The following CDH18 variants were observed in gnomAD, a reference collection of about 807,000 sequenced individuals.
CDH18 encodes the protein cadherin 18.
CDH18 carries 31 observed loss-of-function variants against 67.9 expected under a neutral mutation model. That is an observed-to-expected ratio of 0.46 (90% CI 0.34 to 0.62). The LOEUF (loss-of-function observed/expected upper bound fraction) is 0.62. Among genes scored for constraint, CDH18 ranks in the 20% least tolerant of loss-of-function variants. The pLI, the probability that CDH18 is intolerant of heterozygous loss-of-function variation, is 0.01. For synonymous variants in CDH18, 362 were observed against 347.2 expected, an observed-to-expected ratio of 1.04 and a Z score of -0.48; for missense variants, 890 against 975.5, an observed-to-expected ratio of 0.91 and a Z score of 1.17.
chr5:19,549,002 G>A (rs1244738274), intron 8 of CDH18, among the ~76,000 whole-genome samples: 1 of 151,916 alleles, frequency 6.6e-6, no homozygotes, highest in African/African-American at 2.4e-5. Context: ...CGCCTGCCTC[G>A]GCCTCCCAAA....
intron 2 of CDH18, among the ~76,000 whole-genome samples, chr5:19,864,135 CCAA>C (rs1227856030): frequency 6.7e-6 from 1 of 150,318 alleles, no homozygotes; most frequent in Admixed American, 6.7e-5. Context: ...ACCCAAATGT[CCAA>C]CAATGATAGA....
chr5:20,539,033 C>T (rs1397891501), intron 1 of CDH18, among the ~76,000 whole-genome samples: 1 of 150,526 alleles, frequency 6.6e-6, no homozygotes, highest in Non-Finnish European at 1.5e-5. Flanking sequence ...GGATTACAGG[C>T]ACCTGCCACC....
chr5:19,619,218 T>G (rs1435599570), intron 5 of CDH18, among the ~76,000 whole-genome samples: 2 of 152,214 alleles, frequency 1.3e-5, no homozygotes, highest in Non-Finnish European at 1.5e-5. Context: ...CGAAGTGTGC[T>G]GAATGTGTTT....
At chr5:20,189,731 C>T (rs1238869038) in intron 2 of CDH18, among the ~76,000 whole-genome samples, 1 of 152,168 alleles carries the variant, frequency 6.6e-6, no homozygotes, top group Non-Finnish European at 1.5e-5. Context: ...CCTCGCTTCA[C>T]TCAAACCAAC....
intron 1 of CDH18, among the ~76,000 whole-genome samples, chr5:20,454,931 T>C (rs1247496315): frequency 1.3e-5 from 2 of 152,074 alleles, no homozygotes; most frequent in African/African-American, 2.4e-5. Context: ...TGAGGACATA[T>C]GATGGTAAGT....
intron 6 of CDH18, among the ~76,000 whole-genome samples, chr5:19,603,711 G>A (rs541400459): frequency 6.6e-6 from 1 of 150,912 alleles, no homozygotes; most frequent in South Asian, 2.1e-4. Flanking sequence ...AGTTTTGCTT[G>A]GATTTTCAGT....
At chr5:20,248,377 G>A (rs2126582619) in intron 2 of CDH18, among the ~76,000 whole-genome samples, 1 of 152,302 alleles carries the variant, frequency 6.6e-6, no homozygotes. Context: ...GCTTGATTCT[G>A]TCCCCCAGAG....
chr5:20,012,372 CAAAAAA>C lies in CDH18; in HGVS notation c.-517-20364_-517-20359del, dbSNP rs374226366. ...AGTCTAGCTATTTTATTATCTTGTT[CAAAAAA>C]AAAAAAAAAAAAACACCAGCTCCTG... On this transcript the variant is annotated intron_variant, in intron 2 of 14. Transcript: ENST00000507958. Among the ~76,000 whole-genome samples the C allele has an allele frequency of 7.8e-5, 9 of 116,060 alleles. No homozygotes were observed. The Middle Eastern group carries it at 0.018, about 230-fold the overall frequency. 76.1% of individuals were successfully genotyped at this position (116,060 alleles called of 152,430 possible). A position where few individuals can be genotyped will look rare whatever the true frequency, so the allele number is the denominator to read the frequency against.
At chr5:20,132,267 T>C (rs1045758993) in intron 2 of CDH18, among the ~76,000 whole-genome samples, 5 of 152,302 alleles carry the variant, frequency 3.3e-5, no homozygotes, top group African/African-American at 1.2e-4. Flanking sequence ...AGCTATCTTA[T>C]GGCTTTTACA....
intron 2 of CDH18, among the ~76,000 whole-genome samples, chr5:20,140,212 A>C (rs1375371891): frequency 6.6e-6 from 1 of 152,166 alleles, no homozygotes; most frequent in African/African-American, 2.4e-5. Context: ...GCAAACTGTC[A>C]CAAGGATAGA....
At chr5:20,333,276 AG>A (rs1448019212) in intron 1 of CDH18, among the ~76,000 whole-genome samples, 1 of 152,018 alleles carries the variant, frequency 6.6e-6, no homozygotes, top group Non-Finnish European at 1.5e-5. Flanking sequence ...TGGGAGGCCG[AG>A]GCTGGCAGAT....
In CDH18 at chr5:19,744,961, A is replaced by C. The variant is rs74704133; in HGVS notation, c.523+1981T>G. Among the ~76,000 whole-genome samples, 527 of 152,268 alleles carry C rather than the reference A, an allele frequency of 3.5e-3. 1 individual carries two copies. The highest frequency in any genetic ancestry group is 0.012 in the African/African-American group (505 of 41,552). ...ACTTGGAAAGTCTACTAAACTTGTA[A>C]AGTCAGTATATTATTCACTTCAAGA... is the stretch of plus-strand genomic sequence containing the variant. On this transcript the variant is annotated intron_variant, in intron 4 of 12. Transcript: ENST00000382275.
chr5:20,413,657 T>C (rs1746999254), intron 1 of CDH18, among the ~76,000 whole-genome samples: 1 of 152,206 alleles, frequency 6.6e-6, no homozygotes, highest in South Asian at 2.1e-4. Flanking sequence ...TTTGTTGGGA[T>C]TGTTTGATTT....
At chr5:19,649,791 T>C (rs987730816) in intron 5 of CDH18, among the ~76,000 whole-genome samples, 5 of 151,998 alleles carry the variant, frequency 3.3e-5, no homozygotes, top group African/African-American at 9.7e-5. Flanking sequence ...ACCTTTTTTT[T>C]CCTAAAACTT....
intron 1 of CDH18, among the ~76,000 whole-genome samples, chr5:20,359,005 T>C (rs1473839488): frequency 6.7e-6 from 1 of 150,128 alleles, no homozygotes; most frequent in Admixed American, 6.7e-5. Flanking sequence ...TGATCTCAGC[T>C]CACCGCAACC....
intron 2 of CDH18, among the ~76,000 whole-genome samples, chr5:20,125,205 A>T (rs1291891056): frequency 1.3e-5 from 2 of 152,174 alleles, no homozygotes; most frequent in Admixed American, 1.3e-4. Context: ...GACAGGCTTA[A>T]GGAGGAAAAT....
chr5:19,953,845 T>C (rs1796018042), intron 2 of CDH18, among the ~76,000 whole-genome samples: 1 of 152,016 alleles, frequency 6.6e-6, no homozygotes, highest in Non-Finnish European at 1.5e-5. Flanking sequence ...TTTTTCTGTG[T>C]GTTATCTGTA....
At chr5:20,419,667 C>A (rs1356762279) in intron 1 of CDH18, among the ~76,000 whole-genome samples, 2 of 150,110 alleles carry the variant, frequency 1.3e-5, no homozygotes, top group Middle Eastern at 6.8e-3. Context: ...TTGGTAGAGA[C>A]GGGGTTTCAC....
chr5:19,537,178 C>T (rs1749549067), intron 9 of CDH18, among the ~76,000 whole-genome samples: 1 of 151,814 alleles, frequency 6.6e-6, no homozygotes, highest in Non-Finnish European at 1.5e-5. Context: ...GAAGGCCTGA[C>T]TAGAACCAAA....
Sources: allele counts gnomAD v4.1 joint callset (sites outside exome capture counted in the v4.1 genomes callset), GRCh38; gene constraint gnomAD v4.1.1; transcripts MANE v1.5; gene names NCBI Gene and HGNC (gene_info 2026-07-23, HGNC 2026-07-21).